The following LYPLAL1 variants were observed in gnomAD, a reference collection of about 807,000 sequenced individuals.
LYPLAL1 encodes the protein lysophospholipase like 1.
In LYPLAL1, 23 loss-of-function variants were observed where a neutral mutation model predicts 19.7. The observed-to-expected ratio is 1.17, with a 90% CI of 0.84 to 1.65. LYPLAL1 has a LOEUF of 1.65. LYPLAL1 is among the 40% of genes most tolerant of loss of function. LYPLAL1 has a pLI of 0.00. For synonymous variants in LYPLAL1, 119 were observed against 96.3 expected (o/e 1.24, Z -1.38); for missense variants, 355 against 279.4 (o/e 1.27, Z -1.93).
At chr1:219,427,109 T>C in the LYPLAL1 span, among the ~76,000 whole-genome samples, 32 of 152,358 alleles carry the variant, frequency 2.1e-4, no homozygotes, top group East Asian at 3.7e-3. Context: ...ATTTTAAGAT[T>C]TCCCATGTGG....
chr1:219,416,543 C>T, the LYPLAL1 span, among the ~76,000 whole-genome samples: 7 of 152,148 alleles, frequency 4.6e-5, no homozygotes, highest in Admixed American at 4.6e-4. Context: ...CACCCAGAGT[C>T]AGCAACATAT....
the LYPLAL1 span, among the ~76,000 whole-genome samples, chr1:219,241,134 C>A: frequency 0.13 from 5,633 of 44,100 alleles, 447 homozygotes; most frequent in African/African-American, 0.15. Flanking sequence ...CTCTCTCTCT[C>A]TATATATATA....
chr1:219,354,621 A>G, the LYPLAL1 span, among the ~76,000 whole-genome samples: 2 of 152,218 alleles, frequency 1.3e-5, no homozygotes, highest in Non-Finnish European at 2.9e-5. Flanking sequence ...AGCAAATAAC[A>G]AAGAAAGAAA....
Position 219,193,185 on chromosome 1 carries a change from C to G in LYPLAL1, c.295C>G (p.Gln99Glu), listed in dbSNP as rs1346652101. 7 of 1,610,224 alleles carry G rather than the reference C, an allele frequency of 4.3e-6. No individual in the cohort carries two copies. The highest frequency in any genetic ancestry group is 5.1e-6 in the Non-Finnish European group (6 of 1,177,676). The stretch of plus-strand genomic sequence containing the variant: ...CCTTGAATCAATTGATGTCATGTGT[C>G]AAGTGCTTACTGATTTGATTGATGA... ...EHLESIDVMC[Q>E]VLTDLIDEEV... Residue 99 changes from glutamine to glutamate, a missense_variant, in exon 3 of 5, where the codon CAA becomes GAA. Transcript: ENST00000366928.
chr1:219,238,796 C>T, the LYPLAL1 span, among the ~76,000 whole-genome samples: 2 of 152,082 alleles, frequency 1.3e-5, no homozygotes, highest in African/African-American at 4.8e-5. Flanking sequence ...TTGTCATTAA[C>T]CATTTTAAAA....
the LYPLAL1 span, among the ~76,000 whole-genome samples, chr1:219,241,440 C>G: frequency 1.6e-4 from 24 of 152,026 alleles, no homozygotes; most frequent in South Asian, 5.0e-3. Flanking sequence ...AAAATAAAAG[C>G]CTGAATAATA....
the LYPLAL1 span, among the ~76,000 whole-genome samples, chr1:219,244,702 T>C: frequency 6.6e-6 from 1 of 152,024 alleles, no homozygotes; most frequent in African/African-American, 2.4e-5. Context: ...TCCCAGCACT[T>C]TGGGAAGCCG....
the LYPLAL1 span, among the ~76,000 whole-genome samples, chr1:219,307,546 C>G: frequency 6.6e-6 from 1 of 152,192 alleles, no homozygotes; most frequent in East Asian, 1.9e-4. Flanking sequence ...TAATAAGCAG[C>G]ATCATTAGAA....
chr1:219,265,476 T>TAAG, the LYPLAL1 span, among the ~76,000 whole-genome samples: 31 of 152,310 alleles, frequency 2.0e-4, no homozygotes, highest in Middle Eastern at 3.4e-3. Flanking sequence ...GATTGTCAAA[T>TAAG]AAGCTGCAAT....
intron 3 of LYPLAL1, among the ~76,000 whole-genome samples, chr1:219,201,763 T>C (rs1438574514): frequency 2.6e-5 from 4 of 152,234 alleles, no homozygotes; most frequent in Non-Finnish European, 5.9e-5. Flanking sequence ...AAATCTTCAC[T>C]AAGTTTTATG....
the LYPLAL1 span, among the ~76,000 whole-genome samples, chr1:219,286,492 A>G: frequency 5.8e-4 from 89 of 152,310 alleles, 2 homozygotes; most frequent in South Asian, 0.018. Context: ...AAAAAAATAA[A>G]GATGCTTTCC....
the LYPLAL1 span, among the ~76,000 whole-genome samples, chr1:219,384,270 G>C: frequency 6.6e-6 from 1 of 152,174 alleles, no homozygotes; most frequent in African/African-American, 2.4e-5. Flanking sequence ...CTTCTAATGG[G>C]TAAAGGAAAC....
At chr1:219,347,098 C>T in the LYPLAL1 span, among the ~76,000 whole-genome samples, 10,340 of 152,164 alleles carry the variant, frequency 0.068, 500 homozygotes, top group South Asian at 0.14. Context: ...TCACATTTCT[C>T]TTAAACTGAC....
intron 4 of LYPLAL1, 29 bp downstream of exon 4, chr1:219,210,676 A>G: frequency 2.5e-6 from 4 of 1,580,206 alleles, no homozygotes; most frequent in Non-Finnish European, 3.4e-6. Flanking sequence ...AAAAAATGAA[A>G]AAAATATGAA....
the LYPLAL1 span, among the ~76,000 whole-genome samples, chr1:219,313,235 G>A: frequency 4.6e-5 from 7 of 152,296 alleles, no homozygotes; most frequent in South Asian, 1.5e-3. Context: ...ACTGTCTACC[G>A]CCACTACTGA....
the LYPLAL1 span, among the ~76,000 whole-genome samples, chr1:219,439,761 T>C: frequency 1.3e-5 from 2 of 151,904 alleles, no homozygotes; most frequent in Non-Finnish European, 1.5e-5. Flanking sequence ...GGAAAGCATA[T>C]ATATTATAAC....
chr1:219,198,287 G>T (rs1406955641), intron 3 of LYPLAL1, among the ~76,000 whole-genome samples: 1 of 150,620 alleles, frequency 6.6e-6, no homozygotes, highest in African/African-American at 2.4e-5. Flanking sequence ...CACCAAAAAA[G>T]AAAAAAAACT....
the LYPLAL1 span, chr1:219,270,647 G>A: frequency 1.3e-5 from 2 of 152,166 alleles, no homozygotes; most frequent in African/African-American, 4.8e-5. Context: ...TGGCTTCCAG[G>A]TAGCTCTTTC....
the LYPLAL1 span, among the ~76,000 whole-genome samples, chr1:219,369,148 G>C: frequency 6.6e-6 from 1 of 152,158 alleles, no homozygotes; most frequent in African/African-American, 2.4e-5. Context: ...AAACAGACCA[G>C]AGACAATAAA....
Sources: allele counts gnomAD v4.1 joint callset (sites outside exome capture counted in the v4.1 genomes callset), GRCh38; gene constraint gnomAD v4.1.1; transcripts MANE v1.5; gene names NCBI Gene and HGNC (gene_info 2026-07-23, HGNC 2026-07-21).